GGT1: variants seen among roughly 807,000 people sequenced by gnomAD.
The protein encoded by GGT1 is glutathione hydrolase 1 proenzyme.
GGT1 carries 21 observed loss-of-function variants against 56.0 expected under a neutral mutation model. The observed-to-expected ratio is 0.38, with a 90% confidence interval of 0.27 to 0.54. The LOEUF is 0.54. Ranked by LOEUF, GGT1 falls within the 20% of genes least tolerant of loss-of-function variation. The pLI, the probability that GGT1 is intolerant of heterozygous loss-of-function variation, is 0.82. For synonymous variants in GGT1, 238 were observed against 342.6 expected, an observed-to-expected ratio of 0.69 and a Z score of 3.37; for missense variants, 466 against 787.0, an observed-to-expected ratio of 0.59 and a Z score of 4.88.
In GGT1 at chr22:24,611,165, A is replaced by C; in HGVS notation, c.84A>C (p.Ser28=). ...TCGGCCTCTGTCTCTGGCTGCCCTC[A>C]GCCTCCAAGGAACCTGACAACCATG... is the stretch of plus-strand genomic sequence containing the variant. ...VIVGLCLWLP[S]ASKEPDNHVY... is the part of the protein sequence containing the mutation. Residue 28 remains serine, a synonymous_variant, in exon 5 of 16, where the codon TCA becomes TCC. Transcript: ENST00000400382. 9 of 1,573,438 alleles carry C rather than the reference A, an allele frequency of 5.7e-6. No homozygotes were observed. Among genetic ancestry groups the C allele is most frequent in the Non-Finnish European group, 7.8e-6 (9 of 1,156,564 alleles).
intron 2 of GGT1, among the ~76,000 whole-genome samples, chr22:24,608,723 T>C (rs886944113): frequency 2.8e-4 from 43 of 152,214 alleles, no homozygotes; most frequent in Non-Finnish European, 5.0e-4. Flanking sequence ...AGTGGTGCAA[T>C]CTTGCCTCAC....
upstream of GGT1, among the ~76,000 whole-genome samples, chr22:24,601,273 G>GC (rs895277805): frequency 6.6e-6 from 1 of 152,088 alleles, no homozygotes; most frequent in Non-Finnish European, 1.5e-5. Flanking sequence ...GCCCCCATGC[G>GC]CCCCCCAACC....
At chr22:24,589,008 G>A in the GGT1 span, 1 of 1,020,118 alleles carries the variant, frequency 9.8e-7, no homozygotes, top group Non-Finnish European at 1.2e-6. Context: ...CCAGGAGCAG[G>A]CAGCACACAC....
At chr22:24,595,424 C>T (rs911262651) in intron 1 of GGT1, among the ~76,000 whole-genome samples, 7 of 152,190 alleles carry the variant, frequency 4.6e-5, no homozygotes, top group African/African-American at 9.6e-5. Flanking sequence ...GCTGCTGGCC[C>T]GTCTCCCTGG....
At chr22:24,627,381 C>T (rs750483900) in intron 11 of GGT1, 51 bp from the exon 12 acceptor site, 4 of 835,796 alleles carry the variant, frequency 4.8e-6, no homozygotes, top group South Asian at 1.4e-5. Flanking sequence ...CCTGTGCCCC[C>T]TCCCCACCCT....
intron 7 of GGT1, among the ~76,000 whole-genome samples, chr22:24,615,350 C>G (rs2046992878): frequency 1.3e-5 from 2 of 152,160 alleles, no homozygotes; most frequent in Non-Finnish European, 1.5e-5. Context: ...CCTCCGGGGC[C>G]ACTCTGTGCA....
intron 11 of GGT1, chr22:24,624,703 C>T: frequency 2.0e-6 from 2 of 983,074 alleles, no homozygotes; most frequent in Non-Finnish European, 2.4e-6. Context: ...CTACAATGCT[C>T]CTTTCTGCCT....
At chr22:24,594,121 C>T (rs570414364), upstream of GGT1, among the ~76,000 whole-genome samples, 37 of 152,284 alleles carry the variant, frequency 2.4e-4, no homozygotes, top group Non-Finnish European at 4.0e-4. Flanking sequence ...TACGGACCCA[C>T]CCAGCTCAAG....
At chr22:24,621,389 T>A (rs3876106) in intron 9 of GGT1, among the ~76,000 whole-genome samples, 1 of 151,926 alleles carries the variant, frequency 6.6e-6, no homozygotes, top group African/African-American at 2.4e-5. Flanking sequence ...CAGATAACTT[T>A]GTTAGGCAGA....
chr22:24,624,248 G>T, intron 11 of GGT1: 1 of 965,598 alleles, frequency 1.0e-6, no homozygotes, highest in Non-Finnish European at 1.2e-6. Context: ...GGGTGAAAGG[G>T]AGAGGGCCAG....
At chr22:24,589,325 A>G in the GGT1 span, 4 of 1,175,892 alleles carry the variant, frequency 3.4e-6, no homozygotes, top group Non-Finnish European at 1.1e-6. Flanking sequence ...GGCCTTGCTT[A>G]TGACCCCAGC....
chr22:24,598,571 T>A (rs776019037), upstream of GGT1, among the ~76,000 whole-genome samples: 7 of 151,698 alleles, frequency 4.6e-5, no homozygotes, highest in African/African-American at 7.3e-5. Flanking sequence ...GACACATGGA[T>A]GAGTTGGTTT....
At chr22:24,589,747 C>T in the GGT1 span, 3 of 1,478,570 alleles carry the variant, frequency 2.0e-6, no homozygotes, top group Admixed American at 2.5e-5. Context: ...GCCTCCCAGT[C>T]CCCAGCCCTG....
chr22:24,624,040 T>C (rs1414887365), intron 11 of GGT1, 124 bp downstream of exon 11: 8 of 1,530,974 alleles, frequency 5.2e-6, no homozygotes, highest in East Asian at 2.5e-5. Context: ...AGACTTCGAT[T>C]GCGGGCCTAC....
chr22:24,592,814 C>CG, upstream of GGT1: 1 of 1,268,368 alleles, frequency 7.9e-7, no homozygotes, highest in Non-Finnish European at 1.0e-6. Flanking sequence ...CCCAGACCCC[C>CG]AGACCCTCCC....
intron 2 of GGT1, 149 bp downstream of exon 2, chr22:24,608,172 A>T (rs1191935882): frequency 1.2e-5 from 4 of 338,098 alleles, no homozygotes; most frequent in African/African-American, 2.2e-5. Context: ...ACATTCTTTC[A>T]GTGAGTTTTT....
upstream of GGT1, chr22:24,592,788 C>G: frequency 1.6e-6 from 2 of 1,269,244 alleles, no homozygotes; most frequent in South Asian, 3.9e-5. Context: ...ACCCATAGCC[C>G]CGCGCCTCCC....
rs1324276251 is a variant in GGT1 at position 24,628,929 on chromosome 22, G to A, written c.*90G>A. 3.9e-5 allele frequency: 62 copies of A among 1,587,464 alleles called. No homozygotes were observed. Among genetic ancestry groups the A allele is most frequent in the Admixed American group, 9.0e-5 (5 of 55,634 alleles). ...GGACTCTGGGGGACCGGCTTCCCCT[G>A]TGAGCAGCAGAGCAGCACAATAAAT... On this transcript the variant is annotated 3_prime_UTR_variant, in exon 16 of 16. Transcript: ENST00000400382. The surrounding 1 kb of genome is among the most constrained non-coding windows in gnomAD (Gnocchi z 5.7).
rs763962410 is a variant in GGT1 at position 24,627,448 on chromosome 22, C to T, written c.1037C>T (p.Thr346Ile). The T allele has an allele frequency of 3.3e-6, 5 of 1,498,014 alleles. No homozygotes were observed. In the South Asian group the frequency reaches 5.6e-5, roughly 17 times the overall value. The allele number at this position is 1,498,014 out of a possible 1,614,324, so 92.8% of individuals were successfully genotyped here. A position where few individuals can be genotyped will look rare whatever the true frequency, so the allele number is the denominator to read the frequency against. Residue 346 changes from threonine (T) to isoleucine (I), a missense_variant, in exon 12 of 16, where the codon ACC becomes ATC. By Grantham distance (89) the Thr-to-Ile change is moderately conservative. Around this residue, in one of 2 missense-constraint regions of GGT1, gnomAD observed 456 missense variants for 716.7 expected, o/e 0.64. Coordinates refer to ENST00000400382, the MANE Select transcript of GGT1 (RefSeq NM_001288833.2). Reference sequence around the variant, plus strand: ...TCTCGGCAGGTGGTCCGCAACATGACCTCCGAGTTCTTCGCTGCCCAGCTC... The same window carrying T: ...TCTCGGCAGGTGGTCCGCAACATGATCTCCGAGTTCTTCGCTGCCCAGCTC... ...VDVTEVVRNMTSEFFAAQLRA... is the reference protein window; with the variant it reads ...VDVTEVVRNMISEFFAAQLRA...
Sources: gnomAD v4.1 joint callset for allele counts (sites outside exome capture counted in the v4.1 genomes callset) on GRCh38, gnomAD v4.1.1 for gene constraint, gnomAD v4.1.1 regional missense constraint, Gnocchi (gnomAD v3.1) non-coding constraint, MANE v1.5 for transcripts, NCBI Gene and HGNC (gene_info 2026-07-23, HGNC 2026-07-21) for gene names.